MALRD1: variants seen among roughly 807,000 people sequenced by gnomAD.
MALRD1 encodes MAM and LDL receptor class A domain containing 1.
MALRD1 carries 247 observed loss-of-function variants against 242.1 expected under a neutral mutation model. That is an observed-to-expected ratio of 1.02 (90% CI 0.92 to 1.13). The LOEUF is 1.13. Ranked by LOEUF, MALRD1 falls within the 50% of genes most tolerant of loss-of-function variation. The pLI is 0.00. For missense variants in MALRD1, 2,989 were observed against 2,533.1 expected, an observed-to-expected ratio of 1.18 and a Z score of -3.86; for synonymous variants, 995 against 866.6, an observed-to-expected ratio of 1.15 and a Z score of -2.60.
intron 28 of MALRD1, among the ~76,000 whole-genome samples, chr10:19,421,948 T>C (rs1022510192): frequency 1.3e-5 from 2 of 152,184 alleles, no homozygotes; most frequent in Non-Finnish European, 1.5e-5. Context: ...GACCCATCTG[T>C]AGCAAATTGC....
chr10:19,602,171 T>G (rs1838378054), intron 34 of MALRD1, among the ~76,000 whole-genome samples: 2 of 114,178 alleles, frequency 1.8e-5, no homozygotes, highest in Non-Finnish European at 3.8e-5. Flanking sequence ...TTTTTTTTTT[T>G]GTCCGTCTTT....
chr10:19,270,336 T>TCACACACACACACA (rs200537040), intron 19 of MALRD1, among the ~76,000 whole-genome samples: 1 of 130,876 alleles, frequency 7.6e-6, no homozygotes, highest in African/African-American at 2.8e-5. Context: ...TCTCTCTCTC[T>TCACACACACACACA]CACACACACA....
chr10:19,693,676 A>G (rs1011833840), intron 38 of MALRD1, among the ~76,000 whole-genome samples: 9 of 152,194 alleles, frequency 5.9e-5, no homozygotes, highest in Non-Finnish European at 1.0e-4. Flanking sequence ...ATTCAATGCC[A>G]TCCCCATCAA....
intron 36 of MALRD1, among the ~76,000 whole-genome samples, chr10:19,681,770 G>T (rs948180838): frequency 3.3e-5 from 5 of 151,512 alleles, no homozygotes; most frequent in African/African-American, 1.2e-4. Context: ...GCATTTTTTC[G>T]TTGATTCTTT....
chr10:19,210,756 T>C (rs773919042), intron 18 of MALRD1, among the ~76,000 whole-genome samples: 1 of 152,152 alleles, frequency 6.6e-6, no homozygotes. Context: ...GAATGGGAGA[T>C]TTGTCCAGAT....
intron 18 of MALRD1, among the ~76,000 whole-genome samples, chr10:19,231,746 A>G (rs1838088026): frequency 1.3e-5 from 2 of 152,176 alleles, no homozygotes; most frequent in Admixed American, 1.3e-4. Context: ...TAAATTACCC[A>G]GTCTTGGGTA....
chr10:19,314,749 T>A (rs1016437224), intron 21 of MALRD1, among the ~76,000 whole-genome samples: 1 of 151,450 alleles, frequency 6.6e-6, no homozygotes, highest in East Asian at 1.9e-4. Context: ...AAGGTAGAGT[T>A]GAATAGTTAT....
At position 19,070,906 on chromosome 10, in the gene MALRD1, T is replaced by C. The variant is rs182822231; in HGVS notation, c.340+4047T>C. ...TGGCTCTGTTGCCCAAGCTGGAGTG[T>C]AGTGGTGTGATCTCAGCTCACTACA... On this transcript the variant is annotated intron_variant, in intron 2 of 39. Transcript: ENST00000454679. 1.3e-3 allele frequency among the ~76,000 whole-genome samples: 192 copies of C among 144,480 alleles called. 1 individual carries two copies. The highest frequency in any genetic ancestry group is 2.6e-3 in the Non-Finnish European group (170 of 66,660). 94.8% of individuals were successfully genotyped at this position (144,480 alleles called of 152,430 possible). A position where few individuals can be genotyped will look rare whatever the true frequency, so the allele number is the denominator to read the frequency against.
intron 6 of MALRD1, 33 bp downstream of exon 6, chr10:19,123,626 G>A (rs1588578161): frequency 3.5e-6 from 4 of 1,155,468 alleles, no homozygotes; most frequent in Non-Finnish European, 3.3e-6. Flanking sequence ...CACTTTTCTG[G>A]TATATATGCA....
chr10:19,065,138 T>C (rs1834932864), intron 1 of MALRD1, among the ~76,000 whole-genome samples: 2 of 150,836 alleles, frequency 1.3e-5, no homozygotes, highest in South Asian at 4.2e-4. Flanking sequence ...AAATACAAAA[T>C]TAGCCAGGCA....
At chr10:19,180,838 C>T (rs917238837) in intron 14 of MALRD1, among the ~76,000 whole-genome samples, 1 of 151,956 alleles carries the variant, frequency 6.6e-6, no homozygotes, top group South Asian at 2.1e-4. Flanking sequence ...GGTTAATATT[C>T]AAAATTTATG....
intron 4 of MALRD1, among the ~76,000 whole-genome samples, chr10:19,094,983 A>G (rs766163296): frequency 1.3e-5 from 2 of 152,280 alleles, no homozygotes; most frequent in Middle Eastern, 3.4e-3. Flanking sequence ...ATTTTAAAGC[A>G]TTTTATTCCT....
At chr10:19,372,177 C>T (rs940975315) in intron 26 of MALRD1, among the ~76,000 whole-genome samples, 2 of 151,906 alleles carry the variant, frequency 1.3e-5, no homozygotes, top group African/African-American at 4.8e-5. Flanking sequence ...GACTTAATTG[C>T]AATATTTATA....
At chr10:19,551,257 A>G (rs969304898) in intron 32 of MALRD1, among the ~76,000 whole-genome samples, 1 of 151,864 alleles carries the variant, frequency 6.6e-6, no homozygotes, top group African/African-American at 2.4e-5. Context: ...CGTCTCTGAT[A>G]TTTTTGTCAT....
At chr10:19,282,881 C>T (rs768308019) in intron 20 of MALRD1, 138 bp from the exon 21 acceptor site, 13 of 579,688 alleles carry the variant, frequency 2.2e-5, no homozygotes, top group Non-Finnish European at 3.4e-5. Context: ...ATTTTACAAA[C>T]CATTTGCCTA....
intron 18 of MALRD1, among the ~76,000 whole-genome samples, chr10:19,213,933 G>C (rs751748440): frequency 8.5e-5 from 13 of 152,242 alleles, no homozygotes; most frequent in African/African-American, 1.2e-4. Flanking sequence ...GATCCTTCTG[G>C]GTATCCCTGG....
rs187147240 is a variant in MALRD1, at chr10:19,219,637, T to G, written c.2991+9957T>G. On this transcript the variant is annotated intron_variant, in intron 18 of 39. Transcript: ENST00000454679. Reference sequence around the variant, plus strand: ...TTTTTTATACATATGTTGCCCAAGCTGGTCTCAAATTCTTGAGCTCAAGAG... The same window carrying G: ...TTTTTTATACATATGTTGCCCAAGCGGGTCTCAAATTCTTGAGCTCAAGAG... Among the ~76,000 whole-genome samples the G allele has an allele frequency of 5.2e-3, 798 of 152,278 alleles. 6 individuals are homozygous for G. Among genetic ancestry groups the G allele is most frequent in the Non-Finnish European group, 6.5e-3 (444 of 68,036 alleles).
intron 34 of MALRD1, among the ~76,000 whole-genome samples, chr10:19,605,934 A>AT (rs1267077386): frequency 1.3e-5 from 2 of 151,856 alleles, no homozygotes; most frequent in Admixed American, 6.6e-5. Context: ...GAAGCTCAAT[A>AT]TTTTTTTTGT....
intron 17 of MALRD1, 29 bp downstream of exon 17, chr10:19,205,294 T>C (rs1161801497): frequency 2.7e-6 from 4 of 1,507,860 alleles, no homozygotes; most frequent in South Asian, 1.3e-5. Flanking sequence ...GGGGATTCTC[T>C]TTCTCATTTT....
Sources: allele counts gnomAD v4.1 joint callset (sites outside exome capture counted in the v4.1 genomes callset), GRCh38; gene constraint gnomAD v4.1.1; transcripts MANE v1.5; gene names NCBI Gene and HGNC (gene_info 2026-07-23, HGNC 2026-07-21).